Variants in ABCC10 observed in about 807,000 individuals in gnomAD.
ABCC10 encodes ATP-binding cassette sub-family C member 10.
Under a neutral mutation model 143.2 loss-of-function variants are expected in ABCC10, and 110 were observed. The ratio of observed to expected loss-of-function variants is 0.77; its 90% confidence interval spans 0.66 to 0.90. ABCC10 has a LOEUF of 0.90. ABCC10 is among the 40% of genes least tolerant of loss of function. The probability of loss-of-function intolerance (pLI) is 0.00; values close to 1 mark genes in which losing one functional copy is unlikely to be tolerated. For synonymous variants in ABCC10, 805 were observed against 846.7 expected (o/e 0.95, Z 0.85); for missense variants, 1,700 against 1,900.5 (o/e 0.89, Z 1.96).
chr6:43,445,401 G>C, intron 14 of ABCC10, 87 bp downstream of exon 14: 1 of 1,465,124 alleles, frequency 6.8e-7, no homozygotes, highest in Non-Finnish European at 9.3e-7. Flanking sequence ...ACTGGGGATG[G>C]GAGAGTCTTT....
chr6:43,436,284 T>A (rs746699605), intron 6 of ABCC10, 37 bp downstream of exon 6: 2 of 1,600,614 alleles, frequency 1.2e-6, no homozygotes, highest in Non-Finnish European at 1.7e-6. Flanking sequence ...GTCCTCAGAC[T>A]AACGAGAGAG....
chr6:43,436,915 C>T (rs1781786108), intron 6 of ABCC10, among the ~76,000 whole-genome samples: 1 of 152,156 alleles, frequency 6.6e-6, no homozygotes, highest in Non-Finnish European at 1.5e-5. Flanking sequence ...TAGATTTGTA[C>T]AAAGGAATTT....
At chr6:43,438,119 C>A in intron 7 of ABCC10, 106 bp downstream of exon 7, 1 of 1,244,470 alleles carries the variant, frequency 8.0e-7, no homozygotes, top group Non-Finnish European at 1.1e-6. Flanking sequence ...CTAAGAAGAG[C>A]AACGCATGGT....
Position 43,445,632 on chromosome 6 carries a change from G to A in ABCC10, c.3064G>A (p.Gly1022Ser), listed in dbSNP as rs1449114500. ...GACTTTCTTCAATGCCACACCCACG[G>A]GCCGGATCCTAAACCGCTTCTCCTC... ...PVTFFNATPT[G>S]RILNRFSSDV... Residue 1022 changes from glycine to serine, a missense_variant, in exon 15 of 22, where the codon GGC (glycine) becomes AGC (serine). Transcript: ENST00000372530. The A allele has an allele frequency of 1.2e-6, 2 of 1,613,402 alleles. No homozygotes were observed. Among genetic ancestry groups the A allele is most frequent in the Admixed American group, 1.7e-5 (1 of 59,984 alleles).
chr6:43,428,186 T>TC, intron 2 of ABCC10, 47 bp downstream of exon 2: 1 of 1,470,850 alleles, frequency 6.8e-7, no homozygotes, highest in Non-Finnish European at 9.0e-7. Flanking sequence ...TGCCTGCAGA[T>TC]CTCACCCGCG....
chr6:43,429,426 G>A (rs1159193766), intron 2 of ABCC10, among the ~76,000 whole-genome samples: 2 of 146,700 alleles, frequency 1.4e-5, no homozygotes, highest in Non-Finnish European at 3.0e-5. Context: ...GGGGAGGGGG[G>A]ATTGTTATTG....
At chr6:43,451,826 C>T, downstream of ABCC10, 2 of 1,473,420 alleles carry the variant, frequency 1.4e-6, no homozygotes, top group African/African-American at 1.4e-5. This position sits in a 1 kb window ranked among gnomAD's most constrained non-coding sequence, Gnocchi z 4.4. Context: ...TCTGAGTGTC[C>T]CCGTGTGGGT....
In ABCC10 at chr6:43,436,144, C is replaced by A; in HGVS notation, c.1772C>A (p.Pro591His). ...AAGTGGCTTCTCTGTTCAGATCCCCCTGCAGAGCCATCTACAGTATTGGAG... is the reference window on the plus strand; with the variant it reads ...AAGTGGCTTCTCTGTTCAGATCCCCATGCAGAGCCATCTACAGTATTGGAG... Reference protein sequence around the residue: ...NPQAYYSPDPPAEPSTVLELH... With the variant: ...NPQAYYSPDPHAEPSTVLELH... Residue 591 changes from proline (P) to histidine (H), a missense_variant, in exon 6 of 22, where the codon CCT becomes CAT. Pro to His is a moderately conservative substitution (Grantham distance 77, BLOSUM62 -2). Transcript: ENST00000372530. 1 of 1,614,210 alleles carries A rather than the reference C, an allele frequency of 6.2e-7. No homozygotes were observed. The highest frequency in any genetic ancestry group is 1.1e-5 in the South Asian group (1 of 91,088).
chr6:43,439,624 G>GC (rs1395460528), intron 8 of ABCC10, among the ~76,000 whole-genome samples: 1 of 151,868 alleles, frequency 6.6e-6, no homozygotes, highest in Non-Finnish European at 1.5e-5. Flanking sequence ...TCACTGTGTT[G>GC]CCAGGCTGGA....
chr6:43,448,950 CCAGGGCCTACATAAGGA>C lies in ABCC10; in HGVS notation c.4038_4054del (p.His1347ValfsTer11). 1 of 1,614,182 alleles carries C rather than the reference CCAGGGCCTACATAAGGA, an allele frequency of 6.2e-7. No individual in the cohort carries two copies. The highest frequency in any genetic ancestry group is 2.2e-5 in the East Asian group (1 of 44,880). On this transcript the variant is annotated frameshift_variant, in exon 19 of 22. Transcript: ENST00000372530. LOFTEE classifies it high-confidence loss of function. ...GGACTGTTCGGGAAAACCTGGACCC[CCAGGGCCTACATAAGGA>C]CAGGGCCTTGTGGCAGGCCCTGAAG...
In ABCC10 at chr6:43,443,829, C is replaced by G; in HGVS notation, c.2417-104C>G. 3.3e-6 allele frequency: 4 copies of G among 1,214,976 alleles called. No homozygotes were observed. The highest frequency in any genetic ancestry group is 4.9e-6 in the Non-Finnish European group (4 of 822,342). 75.3% of individuals were successfully genotyped at this position (1,214,976 alleles called of 1,614,324 possible). A position where few individuals can be genotyped will look rare whatever the true frequency, so the allele number is the denominator to read the frequency against. On this transcript the variant is annotated intron_variant, in intron 10 of 21. Coordinates refer to ENST00000372530, the MANE Select transcript of ABCC10 (RefSeq NM_001198934.2). The surrounding 1 kb of genome is among the most constrained non-coding windows in gnomAD (Gnocchi z 4.2). ...GGGTATCCTGCTAGGGTGGGTTAGA[C>G]GGGGAGGCCTGAGAGGATGAGAGGT...
chr6:43,441,251 G>A (rs887865848), intron 8 of ABCC10, among the ~76,000 whole-genome samples: 2 of 151,902 alleles, frequency 1.3e-5, no homozygotes, highest in Non-Finnish European at 2.9e-5. Flanking sequence ...GCCAAGGTGG[G>A]TGGATCACAA....
intron 15 of ABCC10, 23 bp from the exon 16 acceptor site, chr6:43,446,254 C>T: frequency 3.1e-6 from 5 of 1,604,630 alleles, no homozygotes; most frequent in Non-Finnish European, 4.3e-6. Flanking sequence ...GGAGTGGCTT[C>T]ACATCCCTCT....
At chr6:43,448,743 G>T in intron 18 of ABCC10, 138 bp from the exon 19 acceptor site, 1 of 1,055,086 alleles carries the variant, frequency 9.5e-7, no homozygotes, top group Non-Finnish European at 1.4e-6. Context: ...GTGGGGATGG[G>T]GTGGGGAGCA....
chr6:43,439,406 A>ATTT (rs11386275), intron 8 of ABCC10, among the ~76,000 whole-genome samples: 3 of 148,340 alleles, frequency 2.0e-5, no homozygotes, highest in African/African-American at 7.4e-5. Context: ...AAATTGATTA[A>ATTT]TTTTTTTTTT....
chr6:43,429,026 C>A (rs190330300), intron 2 of ABCC10, among the ~76,000 whole-genome samples: 1 of 152,312 alleles, frequency 6.6e-6, no homozygotes, highest in Admixed American at 6.5e-5. Flanking sequence ...GATTCATCCG[C>A]CCCCTGGGAA....
chr6:43,449,629 A>G (rs973567776), intron 21 of ABCC10, 95 bp downstream of exon 21: 59 of 1,037,620 alleles, frequency 5.7e-5, no homozygotes, highest in Non-Finnish European at 7.4e-5. Context: ...TCAGGGCCTT[A>G]GAGATCCTGC....
At chr6:43,430,475 C>T (rs971768955) in intron 2 of ABCC10, among the ~76,000 whole-genome samples, 1 of 151,940 alleles carries the variant, frequency 6.6e-6, no homozygotes, top group Non-Finnish European at 1.5e-5. Flanking sequence ...TTTAAGAAAA[C>T]CCCCAGCTAC....
intron 9 of ABCC10, among the ~76,000 whole-genome samples, chr6:43,442,730 CAA>C (rs113079901): frequency 5.8e-5 from 8 of 137,468 alleles, no homozygotes; most frequent in Admixed American, 7.3e-5. Flanking sequence ...GACCATGTCT[CAA>C]AAAAAAAAAA....
Sources: allele counts gnomAD v4.1 joint callset (sites outside exome capture counted in the v4.1 genomes callset), GRCh38; gene constraint gnomAD v4.1.1; non-coding constraint Gnocchi (gnomAD v3.1); transcripts MANE v1.5; gene names NCBI Gene and HGNC (gene_info 2026-07-23, HGNC 2026-07-21).